Variants in FOXP1 observed in about 807,000 individuals in gnomAD.
The protein encoded by FOXP1 is forkhead box P1.
A neutral mutation model predicts 98.2 loss-of-function variants in FOXP1; 15 were observed. That is an observed-to-expected ratio of 0.15 (90% CI 0.10 to 0.24). The LOEUF is 0.24. Among genes scored for constraint, FOXP1 ranks in the 10% least tolerant of loss-of-function variants. FOXP1 has a pLI of 1.00. For synonymous variants in FOXP1, 371 were observed against 314.5 expected, an observed-to-expected ratio of 1.18 and a Z score of -1.90; for missense variants, 633 against 848.5, an observed-to-expected ratio of 0.75 and a Z score of 3.15.
chr3:71,569,856 C>T (rs2047201609), intron 2 of FOXP1, among the ~76,000 whole-genome samples: 1 of 151,664 alleles, frequency 6.6e-6, no homozygotes, highest in Non-Finnish European at 1.5e-5. Context: ...GATCTCAGCT[C>T]ACTGCAAGCT....
At chr3:71,047,334 C>T (rs1333933453) in intron 9 of FOXP1, among the ~76,000 whole-genome samples, 2 of 152,144 alleles carry the variant, frequency 1.3e-5, no homozygotes, top group African/African-American at 4.8e-5. Flanking sequence ...TCCATCAAGC[C>T]AGCTTTCCCC....
chr3:70,985,090 C>T (rs529302856), intron 14 of FOXP1, among the ~76,000 whole-genome samples: 3 of 152,248 alleles, frequency 2.0e-5, no homozygotes, highest in South Asian at 4.1e-4. Context: ...AAAATAAACA[C>T]GAGGTTTCTT....
At chr3:71,346,869 C>A (rs563967242) in intron 4 of FOXP1, among the ~76,000 whole-genome samples, 1 of 152,090 alleles carries the variant, frequency 6.6e-6, no homozygotes, top group East Asian at 1.9e-4. Context: ...CATGGTGAAA[C>A]CCGTCTCTAC....
chr3:70,957,497 C>A lies in FOXP1; in HGVS notation c.*1750G>T, dbSNP rs1186584014. The A allele has an allele frequency of 1.3e-5, 3 of 230,312 alleles. No individual in the cohort carries two copies. The Admixed American group carries it at 1.7e-4, about 13-fold the overall frequency. The allele number at this position is 230,312 out of a possible 1,614,324, so 14.3% of individuals were successfully genotyped here. The stretch of plus-strand genomic sequence containing the variant: ...AGCATAAAACAGAGAACATAATTTA[C>A]CTTTGTGTAATATCTTTGGTAATTT... On this transcript the variant is annotated 3_prime_UTR_variant, in exon 21 of 21. Transcript: ENST00000649528.
At chr3:71,181,787 C>T (rs2062310875) in intron 6 of FOXP1, among the ~76,000 whole-genome samples, 1 of 152,088 alleles carries the variant, frequency 6.6e-6, no homozygotes, top group Non-Finnish European at 1.5e-5. Flanking sequence ...AATCCCAACA[C>T]TTTGAGAGGC....
intron 2 of FOXP1, among the ~76,000 whole-genome samples, chr3:71,544,705 A>C (rs1257729323): frequency 1.3e-5 from 2 of 152,238 alleles, no homozygotes; most frequent in Non-Finnish European, 2.9e-5. Flanking sequence ...ATGATCACAA[A>C]GAGGTAAGAG....
At chr3:71,313,748 A>G (rs1041583501) in intron 4 of FOXP1, among the ~76,000 whole-genome samples, 1 of 151,758 alleles carries the variant, frequency 6.6e-6, no homozygotes, top group Non-Finnish European at 1.5e-5. Flanking sequence ...GATGGTCTCG[A>G]TCTCCTGACC....
chr3:71,397,099 T>TACAC (rs1491015968), intron 3 of FOXP1, among the ~76,000 whole-genome samples: 1 of 55,886 alleles, frequency 1.8e-5, no homozygotes, highest in African/African-American at 6.9e-5. Context: ...TATATATATA[T>TACAC]ACATATATAT....
At chr3:71,116,727 A>G (rs969975501) in intron 6 of FOXP1, among the ~76,000 whole-genome samples, 2 of 152,194 alleles carry the variant, frequency 1.3e-5, no homozygotes, top group Admixed American at 1.3e-4. Flanking sequence ...CAACCACTAA[A>G]AGGTGTTTTC....
At chr3:71,518,769 C>T (rs747645675) in intron 2 of FOXP1, among the ~76,000 whole-genome samples, 1 of 152,214 alleles carries the variant, frequency 6.6e-6, no homozygotes, top group Non-Finnish European at 1.5e-5. Context: ...TTTGTTACAG[C>T]AGCTAGCATT....
At chr3:71,338,471 T>A (rs2076817842) in intron 4 of FOXP1, among the ~76,000 whole-genome samples, 1 of 152,128 alleles carries the variant, frequency 6.6e-6, no homozygotes, top group Non-Finnish European at 1.5e-5. Context: ...TGAGACGGAG[T>A]CTCACTCTGT....
intron 2 of FOXP1, among the ~76,000 whole-genome samples, chr3:71,549,860 T>TTA (rs1368786233): frequency 5.0e-5 from 3 of 59,896 alleles, no homozygotes; most frequent in Admixed American, 2.1e-4. Context: ...ATGCTGGGAG[T>TTA]AAAAAAAAAA....
At chr3:71,142,535 G>A (rs540706611) in intron 6 of FOXP1, among the ~76,000 whole-genome samples, 3 of 152,320 alleles carry the variant, frequency 2.0e-5, no homozygotes, top group African/African-American at 7.2e-5. Flanking sequence ...CTGGCTTCAC[G>A]ATGGAAGAGA....
At chr3:71,407,166 T>C (rs1247838018) in intron 3 of FOXP1, among the ~76,000 whole-genome samples, 1 of 152,134 alleles carries the variant, frequency 6.6e-6, no homozygotes, top group Non-Finnish European at 1.5e-5. Context: ...CACAGAAGCC[T>C]GCATCTAATT....
At chr3:71,320,867 A>C (rs1261284211) in intron 4 of FOXP1, among the ~76,000 whole-genome samples, 4 of 152,200 alleles carry the variant, frequency 2.6e-5, no homozygotes, top group Admixed American at 2.0e-4. Flanking sequence ...GTATTTGTTC[A>C]TACCTCTGAA....
intron 5 of FOXP1, among the ~76,000 whole-genome samples, chr3:71,233,155 A>C (rs1299967278): frequency 2.0e-5 from 3 of 151,304 alleles, no homozygotes; most frequent in Non-Finnish European, 2.9e-5. Flanking sequence ...CCCAAGAAAG[A>C]AAAGAAAAGA....
intron 6 of FOXP1, among the ~76,000 whole-genome samples, chr3:71,190,888 A>C (rs1425477029): frequency 2.0e-5 from 3 of 152,150 alleles, no homozygotes; most frequent in Non-Finnish European, 4.4e-5. Flanking sequence ...GTTACAAGTA[A>C]CACTTCATAA....
At chr3:71,119,860 C>A (rs1019055390) in intron 6 of FOXP1, among the ~76,000 whole-genome samples, 1 of 152,120 alleles carries the variant, frequency 6.6e-6, no homozygotes, top group African/African-American at 2.4e-5. Context: ...CATACAGAGT[C>A]AATAGTATTC....
At chr3:71,038,700 G>C (rs974122159) in intron 11 of FOXP1, among the ~76,000 whole-genome samples, 1 of 140,200 alleles carries the variant, frequency 7.1e-6, no homozygotes, top group African/African-American at 2.7e-5. Context: ...ATCTTGCTTT[G>C]TTGCCCAGGC....
Sources: allele counts gnomAD v4.1 joint callset (sites outside exome capture counted in the v4.1 genomes callset), GRCh38; gene constraint gnomAD v4.1.1; transcripts MANE v1.5; gene names NCBI Gene and HGNC (gene_info 2026-07-23, HGNC 2026-07-21).